RIMKLB: variants seen among roughly 807,000 people sequenced by gnomAD.
RIMKLB encodes ribosomal modification protein rimK like family member B, also known as beta-citrylglutamate synthase B.
A neutral mutation model predicts 32.0 loss-of-function variants in RIMKLB; 7 were observed. That is an observed-to-expected ratio of 0.22 (90% CI 0.12 to 0.41). The LOEUF (loss-of-function observed/expected upper bound fraction) is 0.41, where lower values mean the gene tolerates loss of function less well. Ranked by LOEUF, RIMKLB falls within the 10% of genes least tolerant of loss-of-function variation. The pLI is 1.00. For missense variants in RIMKLB, 289 were observed against 498.7 expected (o/e 0.58, Z 4.00); for synonymous variants, 172 against 185.1 (o/e 0.93, Z 0.57).
chr12:8,770,787 A>T (rs1200524878), intron 5 of RIMKLB, among the ~76,000 whole-genome samples: 1 of 152,124 alleles, frequency 6.6e-6, no homozygotes, highest in Non-Finnish European at 1.5e-5. Context: ...AGTCACCAAG[A>T]ATATCCCCAA....
At chr12:8,730,058 A>G (rs1946398411) in intron 2 of RIMKLB, among the ~76,000 whole-genome samples, 2 of 152,142 alleles carry the variant, frequency 1.3e-5, no homozygotes, top group African/African-American at 4.8e-5. Flanking sequence ...TTTTCTGAGC[A>G]TGTGTTTTGA....
chr12:8,698,857 C>T (rs941926761), intron 1 of RIMKLB, among the ~76,000 whole-genome samples: 2 of 152,104 alleles, frequency 1.3e-5, no homozygotes, highest in Non-Finnish European at 2.9e-5. Context: ...CTTTGACAGT[C>T]TCTGAATGAG....
intron 5 of RIMKLB, among the ~76,000 whole-genome samples, chr12:8,769,100 TTTTTC>T (rs1950201571): frequency 6.6e-6 from 1 of 152,168 alleles, no homozygotes; most frequent in Non-Finnish European, 1.5e-5. Flanking sequence ...ATACAAAGCA[TTTTTC>T]TCTTTTATTT....
chr12:8,705,922 T>G (rs1008666196), intron 1 of RIMKLB, among the ~76,000 whole-genome samples: 1 of 152,154 alleles, frequency 6.6e-6, no homozygotes, highest in African/African-American at 2.4e-5. Flanking sequence ...TTCAACTGAT[T>G]GGATGAAGCC....
At chr12:8,762,104 A>G (rs904393443) in intron 5 of RIMKLB, among the ~76,000 whole-genome samples, 1 of 152,150 alleles carries the variant, frequency 6.6e-6, no homozygotes, top group African/African-American at 2.4e-5. Flanking sequence ...TTCCTTTAGA[A>G]AAACTACAAT....
rs1001075491 is a variant in RIMKLB, at chr12:8,744,967, G to C, written c.176-4895G>C. 1.8e-4 allele frequency among the ~76,000 whole-genome samples: 28 copies of C among 151,866 alleles called. 1 individual carries two copies. The highest frequency in any genetic ancestry group is 3.2e-4 in the Non-Finnish European group (22 of 68,030). On this transcript the variant is annotated intron_variant, in intron 2 of 5. Coordinates refer to ENST00000535829, the MANE Select transcript of RIMKLB (RefSeq NM_001297776.2). Reference sequence around the variant, plus strand: ...CCCATCAACTGGTCATTTACATTAGGTGTTTCTCCTAATGCTATCCCTCCC... The same window carrying C: ...CCCATCAACTGGTCATTTACATTAGCTGTTTCTCCTAATGCTATCCCTCCC...
intron 2 of RIMKLB, among the ~76,000 whole-genome samples, chr12:8,736,852 C>T (rs1390850040): frequency 6.6e-6 from 1 of 152,068 alleles, no homozygotes; most frequent in African/African-American, 2.4e-5. Flanking sequence ...GCTCTTCTTG[C>T]CCAGGCTGGA....
chr12:8,678,686 A>C (rs1335172276), upstream of RIMKLB: 1 of 152,266 alleles, frequency 6.6e-6, no homozygotes, highest in Non-Finnish European at 1.5e-5. Context: ...AATGCTCTGC[A>C]GACAAGATGC....
chr12:8,766,540 A>G (rs754998957), intron 5 of RIMKLB, among the ~76,000 whole-genome samples: 2 of 152,296 alleles, frequency 1.3e-5, no homozygotes, highest in South Asian at 4.1e-4. Context: ...TTGATTCTGT[A>G]AGTACTTTAA....
chr12:8,751,347 C>G (rs1948605352), intron 3 of RIMKLB, among the ~76,000 whole-genome samples: 1 of 152,138 alleles, frequency 6.6e-6, no homozygotes, highest in Non-Finnish European at 1.5e-5. Context: ...TCTAATCATG[C>G]TGATTTTTGT....
At chr12:8,674,601 G>A in the RIMKLB span, among the ~76,000 whole-genome samples, 11 of 152,024 alleles carry the variant, frequency 7.2e-5, no homozygotes, top group Non-Finnish European at 1.2e-4. Flanking sequence ...CTAGGCTGGA[G>A]TGCAGTGGCG....
chr12:8,699,093 C>T (rs1039829562), intron 1 of RIMKLB, among the ~76,000 whole-genome samples: 1 of 152,128 alleles, frequency 6.6e-6, no homozygotes, highest in African/African-American at 2.4e-5. Flanking sequence ...GGTGGTAATT[C>T]TGTTCTGTGA....
chr12:8,694,436 C>T (rs1443856090), upstream of RIMKLB, among the ~76,000 whole-genome samples: 1 of 130,424 alleles, frequency 7.7e-6, no homozygotes, highest in Non-Finnish European at 1.6e-5. Context: ...CCATCTGTTG[C>T]TCAGGATGGA....
chr12:8,747,233 G>A (rs776980647), intron 2 of RIMKLB, among the ~76,000 whole-genome samples: 16 of 152,148 alleles, frequency 1.1e-4, no homozygotes, highest in Non-Finnish European at 1.8e-4. Context: ...CTTTAGTTCA[G>A]AACATACGGC....
chr12:8,721,738 GT>G, intron 2 of RIMKLB, among the ~76,000 whole-genome samples: 1 of 151,966 alleles, frequency 6.6e-6, no homozygotes, highest in Middle Eastern at 3.4e-3. Context: ...AATTATGAGT[GT>G]TTTTTGTTTT....
At chr12:8,753,432 T>C (rs114678340) in intron 4 of RIMKLB, among the ~76,000 whole-genome samples, 1,981 of 152,118 alleles carry the variant, frequency 0.013, 41 homozygotes, top group African/African-American at 0.046. Flanking sequence ...GGCACAGAAA[T>C]AGACAAATAG....
At chr12:8,709,996 T>C (rs1369766411) in intron 1 of RIMKLB, among the ~76,000 whole-genome samples, 1 of 152,144 alleles carries the variant, frequency 6.6e-6, no homozygotes, top group Non-Finnish European at 1.5e-5. Context: ...GTTTTTGTTT[T>C]GTTTTGTTTT....
At chr12:8,718,471 C>T (rs775966212) in intron 2 of RIMKLB, among the ~76,000 whole-genome samples, 1 of 152,116 alleles carries the variant, frequency 6.6e-6, no homozygotes, top group Non-Finnish European at 1.5e-5. Context: ...TGGTGAAACC[C>T]GTCTCTACTA....
At position 8,683,215 on chromosome 12, in the gene RIMKLB, T is replaced by C. The variant is rs781748732; in HGVS notation, n.219+1397T>C. 4.6e-5 allele frequency among the ~76,000 whole-genome samples: 7 copies of C among 152,358 alleles called. No homozygotes were observed. The East Asian group carries it at 1.3e-3, about 29-fold the overall frequency. Reference sequence around the variant, plus strand: ...TTGGCAATTATGAATAAAGCTGCTATAAACATTCATGTGCAGGTTTTTGTG... The same window carrying C: ...TTGGCAATTATGAATAAAGCTGCTACAAACATTCATGTGCAGGTTTTTGTG... On this transcript the variant is annotated intron_variant and non_coding_transcript_variant, in intron 1 of 1. Transcript: ENST00000538758.
Sources: gnomAD v4.1 joint callset for allele counts (sites outside exome capture counted in the v4.1 genomes callset) on GRCh38, gnomAD v4.1.1 for gene constraint, MANE v1.5 for transcripts, NCBI Gene and HGNC (gene_info 2026-07-23, HGNC 2026-07-21) for gene names.